SIGLEC5: variants seen among roughly 807,000 people sequenced by gnomAD.
The protein encoded by SIGLEC5 is sialic acid binding Ig like lectin 5.
SIGLEC5 carries 34 observed loss-of-function variants against 45.9 expected under a neutral mutation model. The observed-to-expected ratio is 0.74, with a 90% CI of 0.56 to 0.99. The LOEUF (loss-of-function observed/expected upper bound fraction) is 0.99. Among genes scored for constraint, SIGLEC5 ranks in the 50% least tolerant of loss-of-function variants. The pLI is 0.00. For synonymous variants in SIGLEC5, 203 were observed against 258.6 expected (o/e 0.79, Z 2.06); for missense variants, 508 against 629.6 (o/e 0.81, Z 2.07).
intron 8 of SIGLEC5, among the ~76,000 whole-genome samples, chr19:51,624,380 G>A (rs537555760): frequency 1.3e-5 from 2 of 152,216 alleles, no homozygotes; most frequent in African/African-American, 2.4e-5. Flanking sequence ...GTGGTTACTG[G>A]GAATGGATCA....
At chr19:51,617,136 T>A (rs1983095112) in intron 8 of SIGLEC5, among the ~76,000 whole-genome samples, 1 of 150,464 alleles carries the variant, frequency 6.6e-6, no homozygotes, top group African/African-American at 2.4e-5. Context: ...GCGCCTGTAG[T>A]CCCAACTACT....
intron 8 of SIGLEC5, among the ~76,000 whole-genome samples, chr19:51,620,299 C>G (rs1983235830): frequency 6.6e-6 from 1 of 151,930 alleles, no homozygotes; most frequent in South Asian, 2.1e-4. Flanking sequence ...TCTTGATACC[C>G]AAACAGAAGA....
At chr19:51,613,106 G>A (rs1483982640) in intron 8 of SIGLEC5, among the ~76,000 whole-genome samples, 1 of 152,168 alleles carries the variant, frequency 6.6e-6, no homozygotes, top group Non-Finnish European at 1.5e-5. Context: ...GGCTCTCCTA[G>A]AGAATAGCTG....
At chr19:51,618,200 C>T (rs1983137213) in intron 8 of SIGLEC5, among the ~76,000 whole-genome samples, 1 of 151,774 alleles carries the variant, frequency 6.6e-6, no homozygotes, top group Middle Eastern at 3.2e-3. Flanking sequence ...CCACATATGT[C>T]AGTAACCATA....
intron 8 of SIGLEC5, among the ~76,000 whole-genome samples, chr19:51,622,106 T>C (rs761619569): frequency 3.3e-5 from 5 of 151,840 alleles, no homozygotes; most frequent in Non-Finnish European, 7.4e-5. Context: ...TTCTTTTTTG[T>C]TTTGTTTTGT....
Position 51,612,423 on chromosome 19 carries a change from C to G in SIGLEC5, c.1465-1G>C. On this transcript the variant is annotated splice_acceptor_variant, in intron 8 of 8. Coordinates refer to ENST00000683636, the MANE Select transcript of SIGLEC5 (RefSeq NM_003830.4). LOFTEE classifies it high-confidence loss of function. ...CTGGCCAGGGCTTCTTCCTGGAACC[C>G]TGAGTAAAGGGGAAGGAAAGGTGTC... 1 of 1,605,314 alleles carries G rather than the reference C, an allele frequency of 6.2e-7. No individual in the cohort carries two copies. The highest frequency in any genetic ancestry group is 8.5e-7 in the Non-Finnish European group (1 of 1,176,150).
intron 8 of SIGLEC5, among the ~76,000 whole-genome samples, chr19:51,614,653 G>T (rs1186549970): frequency 1.3e-5 from 2 of 152,150 alleles, no homozygotes; most frequent in Non-Finnish European, 2.9e-5. Context: ...GGGTGAAATT[G>T]ACAACTGAAA....
At chr19:51,613,620 A>G (rs1600097884) in intron 8 of SIGLEC5, among the ~76,000 whole-genome samples, 1 of 152,086 alleles carries the variant, frequency 6.6e-6, no homozygotes, top group African/African-American at 2.4e-5. Context: ...TTGTAATACT[A>G]TGATTGATCA....
intron 8 of SIGLEC5, among the ~76,000 whole-genome samples, chr19:51,625,152 G>A (rs933754835): frequency 6.6e-6 from 1 of 152,132 alleles, no homozygotes; most frequent in African/African-American, 2.4e-5. Flanking sequence ...GGAAGGATTA[G>A]ATGAGGTAGT....
At chr19:51,628,608 C>T (rs556418978) in intron 4 of SIGLEC5, among the ~76,000 whole-genome samples, 24 of 142,308 alleles carry the variant, frequency 1.7e-4, no homozygotes, top group Non-Finnish European at 7.6e-5. Context: ...TGCGGGTGTA[C>T]GTACATGTGT....
chr19:51,621,655 G>A (rs1476244139), intron 8 of SIGLEC5: 1 of 151,930 alleles, frequency 6.6e-6, no homozygotes, highest in Admixed American at 6.6e-5. Context: ...TTTTTCAGAT[G>A]GTATCTATAT....
chr19:51,617,676 C>G (rs1046013301), intron 8 of SIGLEC5, among the ~76,000 whole-genome samples: 1 of 151,872 alleles, frequency 6.6e-6, no homozygotes, highest in Non-Finnish European at 1.5e-5. Context: ...GGAACCCAAA[C>G]TGAAAACCCA....
chr19:51,629,314 C>T, intron 3 of SIGLEC5, 44 bp downstream of exon 3: 3 of 1,610,252 alleles, frequency 1.9e-6, no homozygotes, highest in Non-Finnish European at 2.5e-6. Context: ...ACCCCTCACT[C>T]CCACTGCCCT....
chr19:51,628,760 G>A (rs1467286271), intron 4 of SIGLEC5, among the ~76,000 whole-genome samples: 1 of 141,282 alleles, frequency 7.1e-6, no homozygotes, highest in South Asian at 2.2e-4. Flanking sequence ...ATGTGTGTGT[G>A]TATGTGCGTG....
intron 7 of SIGLEC5, among the ~76,000 whole-genome samples, chr19:51,626,729 A>G (rs921067284): frequency 6.6e-6 from 1 of 152,146 alleles, no homozygotes; most frequent in African/African-American, 2.4e-5. Flanking sequence ...GGCTGATGAA[A>G]ATGTTCTAAA....
At chr19:51,623,310 T>C (rs1600102273) in intron 8 of SIGLEC5, among the ~76,000 whole-genome samples, 2 of 152,208 alleles carry the variant, frequency 1.3e-5, no homozygotes, top group Non-Finnish European at 2.9e-5. Flanking sequence ...TTTGTGAATA[T>C]GATTATATTA....
chr19:51,617,224 C>T (rs1364065280), intron 8 of SIGLEC5, among the ~76,000 whole-genome samples: 4 of 149,958 alleles, frequency 2.7e-5, no homozygotes. Flanking sequence ...CACTGCACTC[C>T]AGCCTGGGCG....
intron 8 of SIGLEC5, chr19:51,621,841 A>G (rs1023759440): frequency 1.3e-5 from 2 of 152,270 alleles, no homozygotes; most frequent in Non-Finnish European, 2.9e-5. Flanking sequence ...ATAAGGAATC[A>G]GAAAATGCAC....
intron 7 of SIGLEC5, among the ~76,000 whole-genome samples, chr19:51,626,539 G>A (rs191085175): frequency 3.3e-5 from 5 of 152,190 alleles, no homozygotes; most frequent in East Asian, 3.9e-4. Context: ...ACATTAGGCC[G>A]AGTGAAAGAA....
Sources: allele counts gnomAD v4.1 joint callset (sites outside exome capture counted in the v4.1 genomes callset), GRCh38; gene constraint gnomAD v4.1.1; transcripts MANE v1.5; gene names NCBI Gene and HGNC (gene_info 2026-07-23, HGNC 2026-07-21).